The following RASGRF2 variants were observed in gnomAD, a reference collection of about 807,000 sequenced individuals.
RASGRF2 encodes ras-specific guanine nucleotide-releasing factor 2.
In RASGRF2, 76 loss-of-function variants were observed where a neutral mutation model predicts 151.0. That is an observed-to-expected ratio of 0.50 (90% CI 0.42 to 0.61). The LOEUF is 0.61. Ranked by LOEUF, RASGRF2 falls within the 20% of genes least tolerant of loss-of-function variation. RASGRF2 has a pLI of 0.00. For synonymous variants in RASGRF2, 504 were observed against 566.5 expected (o/e 0.89, Z 1.57); for missense variants, 1,148 against 1,564.6 (o/e 0.73, Z 4.49).
chr5:81,217,642 C>T (rs1410248494), intron 25 of RASGRF2, among the ~76,000 whole-genome samples, 169 bp downstream of exon 25: 1 of 142,216 alleles, frequency 7.0e-6, no homozygotes, highest in Non-Finnish European at 1.5e-5. Context: ...TGCAGTGGCA[C>T]GATCTCTGCT....
At position 81,206,856 on chromosome 5, in the gene RASGRF2, A is replaced by G. The variant is rs1561259992; in HGVS notation, c.2918A>G (p.Gln973Arg). 1 of 1,610,312 alleles carries G rather than the reference A, an allele frequency of 6.2e-7. No individual in the cohort carries two copies. The highest frequency in any genetic ancestry group is 8.5e-7 in the Non-Finnish European group (1 of 1,176,468). The part of the protein sequence containing the change: ...AAANILRALS[Q>R]DDQDDIHLKL... ...GATATCTTTTTCAGGGCCCTTTCAC[A>G]AGATGACCAAGATGACATCCACCTA... The change falls in exon 20 of 27, where the codon CAA becomes CGA. Residue 973 changes from glutamine to arginine, a missense_variant. Around this residue, in one of 5 missense-constraint regions of RASGRF2, gnomAD observed 646 missense variants for 807.4 expected, o/e 0.80. Coordinates refer to ENST00000265080, the MANE Select transcript of RASGRF2 (RefSeq NM_006909.3).
chr5:81,219,172 G>A (rs529367942), intron 25 of RASGRF2, among the ~76,000 whole-genome samples: 12 of 151,612 alleles, frequency 7.9e-5, no homozygotes, highest in South Asian at 2.1e-4. Flanking sequence ...TCCACCTTCC[G>A]GGTTCAAGCA....
intron 17 of RASGRF2, among the ~76,000 whole-genome samples, chr5:81,162,506 C>T (rs1754408400): frequency 6.6e-6 from 1 of 152,066 alleles, no homozygotes. Flanking sequence ...TGCCACCACG[C>T]CCGGTTAATT....
rs1752242224 is a variant in RASGRF2 at position 81,086,833 on chromosome 5, A to G, written c.1272-2A>G. 1.2e-6 allele frequency: 2 copies of G among 1,606,570 alleles called. No homozygotes were observed. Among genetic ancestry groups the G allele is most frequent in the Non-Finnish European group, 1.7e-6 (2 of 1,173,132 alleles). On this transcript the variant is annotated splice_acceptor_variant, in intron 8 of 26. Transcript: ENST00000265080. LOFTEE classifies it high-confidence loss of function. ...TGTGATCCTGTCTGTGTTGTGTCAC[A>G]GAGTAATGCACGATGAAGTCAGCGA... is the stretch of plus-strand genomic sequence containing the variant.
chr5:81,096,970 T>TG (rs1491134028), intron 12 of RASGRF2, among the ~76,000 whole-genome samples: 260 of 6,538 alleles, frequency 0.04, no homozygotes, highest in African/African-American at 0.29. Flanking sequence ...TTTGTTTGTG[T>TG]TTTTTTTTTG....
intron 1 of RASGRF2, among the ~76,000 whole-genome samples, chr5:80,992,351 T>C (rs1261720274): frequency 6.6e-6 from 1 of 152,168 alleles, no homozygotes; most frequent in African/African-American, 2.4e-5. Flanking sequence ...CTCAGGGGCA[T>C]CAGTGGCCTT....
chr5:81,063,959 G>T (rs1478627126), intron 2 of RASGRF2, among the ~76,000 whole-genome samples: 5 of 152,004 alleles, frequency 3.3e-5, no homozygotes, highest in Non-Finnish European at 5.9e-5. Context: ...TTGTTCATTT[G>T]GGGCTGTGTT....
At chr5:80,997,697 T>G (rs1748929196) in intron 1 of RASGRF2, 2 of 152,060 alleles carry the variant, frequency 1.3e-5, no homozygotes, top group Non-Finnish European at 2.9e-5. Flanking sequence ...TTGCCGGGCG[T>G]GGTGGCTCAA....
chr5:81,054,039 G>T (rs1464238824), intron 2 of RASGRF2, among the ~76,000 whole-genome samples: 2 of 152,202 alleles, frequency 1.3e-5, no homozygotes, highest in Non-Finnish European at 2.9e-5. Flanking sequence ...TTTGTCAGAT[G>T]AGTAGATTGA....
intron 1 of RASGRF2, among the ~76,000 whole-genome samples, chr5:80,969,501 T>A (rs1162352549): frequency 1.3e-5 from 2 of 150,210 alleles, no homozygotes; most frequent in Non-Finnish European, 3.0e-5. Flanking sequence ...CACGCTGGAG[T>A]GCAGTGGCGC....
At chr5:81,189,103 C>A (rs1170858102) in intron 18 of RASGRF2, among the ~76,000 whole-genome samples, 4 of 152,224 alleles carry the variant, frequency 2.6e-5, no homozygotes, top group Non-Finnish European at 5.9e-5. Flanking sequence ...CTGCTGACAA[C>A]CACTGCACCT....
At chr5:81,148,185 A>G (rs879743232) in intron 17 of RASGRF2, among the ~76,000 whole-genome samples, 2 of 152,216 alleles carry the variant, frequency 1.3e-5, no homozygotes, top group Non-Finnish European at 2.9e-5. Context: ...TCAGTGAGGG[A>G]CAGAGACTTA....
chr5:81,209,762 TG>T (rs1755590284), intron 22 of RASGRF2, among the ~76,000 whole-genome samples: 1 of 152,182 alleles, frequency 6.6e-6, no homozygotes. Context: ...CAGACCCACA[TG>T]TCTCCTCTGC....
rs1256767195 is a variant in RASGRF2 at position 80,982,801 on chromosome 5, C to T, written c.288+21775C>T. 2.0e-5 allele frequency among the ~76,000 whole-genome samples: 3 copies of T among 151,830 alleles called. No individual in the cohort carries two copies. The East Asian group carries it at 5.8e-4, about 29-fold the overall frequency. Reference sequence around the variant, plus strand: ...ATTTTTAGTAGAGACGGGGTTTCACCGTGTTAGCCAGGATGGTCTCGATCT... The same window carrying T: ...ATTTTTAGTAGAGACGGGGTTTCACTGTGTTAGCCAGGATGGTCTCGATCT... On this transcript the variant is annotated intron_variant, in intron 1 of 26. Coordinates refer to ENST00000265080, the MANE Select transcript of RASGRF2 (RefSeq NM_006909.3).
intron 17 of RASGRF2, among the ~76,000 whole-genome samples, chr5:81,145,273 G>A (rs1753979709): frequency 6.6e-6 from 1 of 152,072 alleles, no homozygotes; most frequent in Non-Finnish European, 1.5e-5. Flanking sequence ...GGGGCCCACA[G>A]TCTAACCTGT....
In RASGRF2 at chr5:81,070,501, C is replaced by T; in HGVS notation, c.553C>T (p.Leu185Phe). Residue 185 changes from leucine to phenylalanine, a missense_variant, in exon 4 of 27, where the codon CTT becomes TTT. Around this residue, in one of 5 missense-constraint regions of RASGRF2, gnomAD observed 221 missense variants for 271.3 expected, o/e 0.81. Coordinates refer to ENST00000265080, the MANE Select transcript of RASGRF2 (RefSeq NM_006909.3). ...IERLKSEIIA[L>F]NKTKERMRPY... ...CAACTTTGTGTTCCAGATTATTGCT[C>T]TTAATAAAACCAAAGAACGAATGCG... 1 of 1,602,368 alleles carries T rather than the reference C, an allele frequency of 6.2e-7. No individual in the cohort carries two copies. The highest frequency in any genetic ancestry group is 8.6e-7 in the Non-Finnish European group (1 of 1,169,462).
At chr5:81,192,417 G>A (rs1266970105) in intron 18 of RASGRF2, among the ~76,000 whole-genome samples, 1 of 152,164 alleles carries the variant, frequency 6.6e-6, no homozygotes, top group East Asian at 1.9e-4. Context: ...TTTTCATCGT[G>A]TGAACAATGA....
intron 1 of RASGRF2, among the ~76,000 whole-genome samples, chr5:80,967,532 T>C (rs1747762321): frequency 6.6e-6 from 1 of 152,200 alleles, no homozygotes; most frequent in African/African-American, 2.4e-5. Context: ...CCTGTGGTGA[T>C]GGAAACAGCA....
At chr5:80,982,005 C>A (rs1160024610) in intron 1 of RASGRF2, among the ~76,000 whole-genome samples, 9 of 152,294 alleles carry the variant, frequency 5.9e-5, no homozygotes, top group Non-Finnish European at 1.0e-4. Flanking sequence ...TGAATTAATT[C>A]ACTAGCAGTG....
Sources: gnomAD v4.1 joint callset for allele counts (sites outside exome capture counted in the v4.1 genomes callset) on GRCh38, gnomAD v4.1.1 for gene constraint, gnomAD v4.1.1 regional missense constraint, MANE v1.5 for transcripts, NCBI Gene and HGNC (gene_info 2026-07-23, HGNC 2026-07-21) for gene names.